The following RERE variants were observed in gnomAD, a reference collection of about 807,000 sequenced individuals.
The protein encoded by RERE is arginine-glutamic acid dipeptide repeats protein.
Under a neutral mutation model 146.1 loss-of-function variants are expected in RERE, and 40 were observed. The observed-to-expected ratio is 0.27, with a 90% confidence interval of 0.21 to 0.36. The LOEUF (loss-of-function observed/expected upper bound fraction) is 0.36, where lower values mean the gene tolerates loss of function less well. Among genes scored for constraint, RERE ranks in the 10% least tolerant of loss-of-function variants. The pLI is 1.00. For missense variants in RERE, 1,933 were observed against 2,138.7 expected (o/e 0.90, Z 1.90); for synonymous variants, 1,003 against 866.0 (o/e 1.16, Z -2.78).
rs113376765 is a variant in RERE, at chr1:8,594,875, G to A, written c.522+19686C>T. Among the ~76,000 whole-genome samples the A allele has an allele frequency of 9.6e-3, 1,462 of 152,162 alleles. 26 individuals are homozygous for A. The highest frequency in any genetic ancestry group is 0.034 in the African/African-American group (1,401 of 41,498). On this transcript the variant is annotated intron_variant, in intron 4 of 22. Transcript: ENST00000400908. ...AAAGCATATTATTAAAAAGCTGCGG[G>A]GGCCAGGCACAGTGGCTCACACCTG...
intron 1 of RERE, among the ~76,000 whole-genome samples, chr1:8,713,953 A>T (rs965879620): frequency 6.6e-6 from 1 of 152,180 alleles, no homozygotes; most frequent in African/African-American, 2.4e-5. Context: ...TGAAAACTTT[A>T]AGCCAAAAAT....
intron 4 of RERE, among the ~76,000 whole-genome samples, chr1:8,564,065 C>G (rs1019511988): frequency 2.0e-5 from 3 of 152,230 alleles, no homozygotes; most frequent in Admixed American, 2.0e-4. Context: ...CCCACCTCCA[C>G]TTACAGGACA....
intron 4 of RERE, among the ~76,000 whole-genome samples, chr1:8,594,600 A>G (rs1646533356): frequency 6.6e-6 from 1 of 152,230 alleles, no homozygotes; most frequent in Non-Finnish European, 1.5e-5. Flanking sequence ...TATAGTCTCA[A>G]CATTTGAGCC....
In RERE at chr1:8,361,121, G is replaced by C. The variant is rs1434580993; in HGVS notation, c.2386C>G (p.Pro796Ala). 2.1e-6 allele frequency: 3 copies of C among 1,444,028 alleles called. No homozygotes were observed. Among genetic ancestry groups the C allele is most frequent in the Non-Finnish European group, 1.8e-6 (2 of 1,103,370 alleles). The allele number at this position is 1,444,028 out of a possible 1,614,324, so 89.5% of individuals were successfully genotyped here. A position where few individuals can be genotyped will look rare whatever the true frequency, so the allele number is the denominator to read the frequency against. The change falls in exon 18 of 23, where the codon CCC (proline) becomes GCC (alanine). Residue 796 changes from proline to alanine, a missense_variant. Physicochemically the swap from Pro to Ala is conservative, Grantham distance 27. Around this residue, in one of 11 missense-constraint regions of RERE, gnomAD observed 1,255 missense variants for 1,153.8 expected, o/e 1.09. Coordinates refer to ENST00000400908, the MANE Select transcript of RERE (RefSeq NM_001042681.2). ...NQPQAPTAPV[P>A]HTHIQQAPAL... is the part of the protein sequence containing the mutation. ...GGTGCCTGTTGGATGTGGGTGTGGGGAACAGGCGCTGTGGGAGCCTGTGGC... is the reference window on the plus strand; with the variant it reads ...GGTGCCTGTTGGATGTGGGTGTGGGCAACAGGCGCTGTGGGAGCCTGTGGC...
At chr1:8,571,838 A>G (rs1646225270) in intron 4 of RERE, among the ~76,000 whole-genome samples, 1 of 152,242 alleles carries the variant, frequency 6.6e-6, no homozygotes, top group Admixed American at 6.5e-5. Flanking sequence ...TAATCTCCAA[A>G]TAATCGATCA....
At chr1:8,496,680 C>A (rs575590926) in intron 9 of RERE, among the ~76,000 whole-genome samples, 2 of 152,132 alleles carry the variant, frequency 1.3e-5, no homozygotes, top group Admixed American at 1.3e-4. Context: ...CTGTGGTGCC[C>A]GCTCTGTGCC....
chr1:8,686,141 C>A (rs1401930964), intron 1 of RERE, among the ~76,000 whole-genome samples: 1 of 146,880 alleles, frequency 6.8e-6, no homozygotes, highest in Admixed American at 6.7e-5. Context: ...ATCACCATGC[C>A]TGGCTAATTT....
At chr1:8,803,255 A>T (rs1244346366) in intron 1 of RERE, among the ~76,000 whole-genome samples, 1 of 152,014 alleles carries the variant, frequency 6.6e-6, no homozygotes, top group Non-Finnish European at 1.5e-5. Flanking sequence ...AGGCGGGAGG[A>T]TCACGAGATC....
chr1:8,598,495 C>T (rs1646582507), intron 4 of RERE, among the ~76,000 whole-genome samples: 1 of 152,186 alleles, frequency 6.6e-6, no homozygotes, highest in Non-Finnish European at 1.5e-5. Context: ...CACACAGGAA[C>T]CAGACCTGAC....
intron 4 of RERE, among the ~76,000 whole-genome samples, chr1:8,585,146 C>CAAAAAA (rs3082123): frequency 1.2e-4 from 16 of 130,122 alleles, no homozygotes; most frequent in African/African-American, 4.7e-4. Context: ...GACTCCATCT[C>CAAAAAA]AAAAAAAAAA....
chr1:8,555,224 GC>G (rs1377427366), intron 6 of RERE, among the ~76,000 whole-genome samples: 5 of 152,268 alleles, frequency 3.3e-5, no homozygotes, highest in South Asian at 2.1e-4. Flanking sequence ...GAAAAAGAAA[GC>G]AAAAGAAGAA....
chr1:8,466,198 C>T (rs1296702011), intron 10 of RERE, among the ~76,000 whole-genome samples, 175 bp from the exon 11 acceptor site: 1 of 152,116 alleles, frequency 6.6e-6, no homozygotes, highest in Admixed American at 6.5e-5. Flanking sequence ...CACCCTATCC[C>T]AACCCCTATT....
At chr1:8,533,719 AGCTTACT>A (rs1409665607) in intron 7 of RERE, among the ~76,000 whole-genome samples, 1 of 152,246 alleles carries the variant, frequency 6.6e-6, no homozygotes, top group Non-Finnish European at 1.5e-5. Flanking sequence ...CTGAAAGATC[AGCTTACT>A]GCTTTAGTTT....
At chr1:8,502,209 TGGG>T (rs1645177153) in intron 8 of RERE, among the ~76,000 whole-genome samples, 1 of 76,204 alleles carries the variant, frequency 1.3e-5, no homozygotes, top group Admixed American at 1.2e-4. Flanking sequence ...GGGAGGGAGG[TGGG>T]GGGATCAGCC....
chr1:8,547,520 C>T (rs1335890673), intron 6 of RERE, among the ~76,000 whole-genome samples: 2 of 152,064 alleles, frequency 1.3e-5, no homozygotes, highest in Non-Finnish European at 1.5e-5. Flanking sequence ...CCATGTACCA[C>T]GGTTGTATAA....
At chr1:8,591,122 G>A (rs539598753) in intron 4 of RERE, among the ~76,000 whole-genome samples, 2 of 152,298 alleles carry the variant, frequency 1.3e-5, no homozygotes, top group South Asian at 4.1e-4. Context: ...GGCTGCAAGA[G>A]ATTTCTGTGG....
chr1:8,578,930 A>G (rs1442319565), intron 4 of RERE, among the ~76,000 whole-genome samples: 1 of 152,266 alleles, frequency 6.6e-6, no homozygotes, highest in Non-Finnish European at 1.5e-5. Flanking sequence ...AGTTATGTTA[A>G]TATCTAAGGA....
intron 7 of RERE, among the ~76,000 whole-genome samples, chr1:8,531,306 G>GATGGC (rs1199437470): frequency 1.3e-5 from 2 of 152,072 alleles, no homozygotes; most frequent in Admixed American, 6.6e-5. Flanking sequence ...AGTCAGGCGT[G>GATGGC]ATGGCATGCA....
At chr1:8,814,958 C>T (rs1427253693) in intron 1 of RERE, among the ~76,000 whole-genome samples, 1 of 152,146 alleles carries the variant, frequency 6.6e-6, no homozygotes, top group Non-Finnish European at 1.5e-5. Flanking sequence ...ATTAGCAGCT[C>T]GGGGAAGTGG....
Sources: allele counts gnomAD v4.1 joint callset (sites outside exome capture counted in the v4.1 genomes callset), GRCh38; gene constraint gnomAD v4.1.1; regional missense constraint gnomAD v4.1.1; transcripts MANE v1.5; gene names NCBI Gene and HGNC (gene_info 2026-07-23, HGNC 2026-07-21).